Variants in COMMD1 observed in about 807,000 individuals in gnomAD.
COMMD1 encodes copper metabolism domain containing 1, also known as COMM domain-containing protein 1.
Under a neutral mutation model 17.2 loss-of-function variants are expected in COMMD1, and 10 were observed. The ratio of observed to expected loss-of-function variants is 0.58; its 90% CI spans 0.36 to 0.99. COMMD1 has a LOEUF of 0.99. Ranked by LOEUF, COMMD1 falls within the 50% of genes least tolerant of loss-of-function variation. COMMD1 has a pLI of 0.01. For synonymous variants in COMMD1, 97 were observed against 91.6 expected (o/e 1.06, Z -0.34); for missense variants, 270 against 231.8 (o/e 1.17, Z -1.07).
intron 1 of COMMD1, among the ~76,000 whole-genome samples, chr2:61,964,250 T>C (rs1220940403): frequency 6.6e-6 from 1 of 152,186 alleles, no homozygotes; most frequent in Non-Finnish European, 1.5e-5. Context: ...AGACAGGGTC[T>C]TGCTCTGTTG....
At chr2:62,003,605 T>TACACAG (rs1669026907) in intron 2 of COMMD1, among the ~76,000 whole-genome samples, 1 of 146,164 alleles carries the variant, frequency 6.8e-6, no homozygotes, top group Non-Finnish European at 1.5e-5. Context: ...CAGATATTTT[T>TACACAG]ACACACACAC....
intron 2 of COMMD1, among the ~76,000 whole-genome samples, chr2:62,010,939 GCTTT>G (rs1454712096): frequency 2.0e-5 from 3 of 152,138 alleles, no homozygotes; most frequent in African/African-American, 7.2e-5. Context: ...CACTCCAGTG[GCTTT>G]CTGTGTCAGT....
At chr2:61,984,674 T>A (rs1558548582) in intron 1 of COMMD1, among the ~76,000 whole-genome samples, 1 of 152,208 alleles carries the variant, frequency 6.6e-6, no homozygotes, top group Non-Finnish European at 1.5e-5. Context: ...TTAGGTCCAT[T>A]TGGTCTATAG....
chr2:61,902,158 A>G (rs1558515261), upstream of COMMD1, among the ~76,000 whole-genome samples: 1 of 151,754 alleles, frequency 6.6e-6, no homozygotes, highest in Non-Finnish European at 1.5e-5. Context: ...ACATGGAGAA[A>G]ATATTTGCAT....
intron 1 of COMMD1, among the ~76,000 whole-genome samples, chr2:61,987,404 C>G (rs79259784): frequency 0.012 from 1,848 of 152,240 alleles, 42 homozygotes; most frequent in African/African-American, 0.043. Flanking sequence ...AAAGGGCACC[C>G]CAAGTCCAAC....
rs368113904 is a variant in COMMD1 at position 61,953,755 on chromosome 2, A to G, written c.181-46946A>G. Among the ~76,000 whole-genome samples, 14 of 152,328 alleles carry G rather than the reference A, an allele frequency of 9.2e-5. No individual in the cohort carries two copies. In the East Asian group the frequency reaches 2.5e-3, roughly 27 times the overall value. On this transcript the variant is annotated intron_variant, in intron 1 of 2. Coordinates refer to ENST00000311832, the MANE Select transcript of COMMD1 (RefSeq NM_152516.4). Reference sequence around the variant, plus strand: ...GGAGGTAGGAAAATACCACATATACATACTCTCTATACATACAAACCATTC... The same window carrying G: ...GGAGGTAGGAAAATACCACATATACGTACTCTCTATACATACAAACCATTC...
chr2:62,116,080 C>T (rs1573204013), intron 2 of COMMD1, among the ~76,000 whole-genome samples: 2 of 152,008 alleles, frequency 1.3e-5, no homozygotes, highest in African/African-American at 4.8e-5. Context: ...CTCCTGGGCT[C>T]AAGCAGTCCA....
chr2:62,089,503 C>T (rs1435867918), intron 2 of COMMD1, among the ~76,000 whole-genome samples: 12 of 151,956 alleles, frequency 7.9e-5, no homozygotes, highest in African/African-American at 2.4e-4. Context: ...AGGCTGGTCT[C>T]GAACTTCTGA....
intron 1 of COMMD1, among the ~76,000 whole-genome samples, chr2:61,930,944 T>C (rs1038984174): frequency 6.6e-6 from 1 of 152,134 alleles, no homozygotes; most frequent in African/African-American, 2.4e-5. Context: ...TAGCCAATTA[T>C]ATATGCTCGA....
At chr2:62,085,771 A>T (rs1398241793) in intron 2 of COMMD1, among the ~76,000 whole-genome samples, 1 of 151,170 alleles carries the variant, frequency 6.6e-6, no homozygotes, top group Non-Finnish European at 1.5e-5. Flanking sequence ...CGAGGTCAGG[A>T]GATCGAGACC....
intron 1 of COMMD1, among the ~76,000 whole-genome samples, chr2:61,900,375 G>A (rs967292147): frequency 6.6e-6 from 1 of 152,244 alleles, no homozygotes; most frequent in Non-Finnish European, 1.5e-5. Flanking sequence ...CTTGGAGTCA[G>A]AAGAAAGAAA....
chr2:62,127,624 G>T (rs1659524279), intron 2 of COMMD1, among the ~76,000 whole-genome samples: 1 of 152,178 alleles, frequency 6.6e-6, no homozygotes, highest in Non-Finnish European at 1.5e-5. Context: ...AAGCAATGGG[G>T]AAAGGATTCC....
intron 2 of COMMD1, among the ~76,000 whole-genome samples, chr2:62,041,574 G>A (rs1196942917): frequency 6.6e-6 from 1 of 151,992 alleles, no homozygotes; most frequent in Non-Finnish European, 1.5e-5. Context: ...TGTTTTGTGT[G>A]GAGATGAGGT....
At chr2:62,072,813 G>C (rs1254825865) in intron 2 of COMMD1, among the ~76,000 whole-genome samples, 1 of 152,196 alleles carries the variant, frequency 6.6e-6, no homozygotes, top group Non-Finnish European at 1.5e-5. Context: ...CCTTGTACGG[G>C]GCTCATGCCT....
intron 2 of COMMD1, among the ~76,000 whole-genome samples, chr2:62,107,279 G>A (rs537587940): frequency 1.3e-5 from 2 of 152,308 alleles, no homozygotes; most frequent in African/African-American, 4.8e-5. Context: ...TGCAGGTAAT[G>A]GTGAGGGTCA....
At chr2:61,937,533 A>G (rs954661147) in intron 1 of COMMD1, among the ~76,000 whole-genome samples, 1 of 152,230 alleles carries the variant, frequency 6.6e-6, no homozygotes, top group Non-Finnish European at 1.5e-5. Flanking sequence ...GCCAGATAGG[A>G]ATAGACATGG....
intron 2 of COMMD1, among the ~76,000 whole-genome samples, chr2:62,036,998 T>C (rs1450009936): frequency 1.3e-5 from 2 of 152,210 alleles, no homozygotes; most frequent in African/African-American, 4.8e-5. Context: ...TTCAAGTATA[T>C]TTACTTATGC....
At chr2:62,049,323 A>G (rs1450017731) in intron 2 of COMMD1, among the ~76,000 whole-genome samples, 1 of 152,216 alleles carries the variant, frequency 6.6e-6, no homozygotes, top group Non-Finnish European at 1.5e-5. Flanking sequence ...GAAAATCCCA[A>G]ATAAGATTAT....
At chr2:61,954,208 C>CA (rs551419717) in intron 1 of COMMD1, among the ~76,000 whole-genome samples, 8 of 150,920 alleles carry the variant, frequency 5.3e-5, no homozygotes, top group Admixed American at 3.3e-4. Context: ...GACTCTGTCT[C>CA]AAAAAAAAGA....
Sources: gnomAD v4.1 joint callset for allele counts (sites outside exome capture counted in the v4.1 genomes callset) on GRCh38, gnomAD v4.1.1 for gene constraint, MANE v1.5 for transcripts, NCBI Gene and HGNC (gene_info 2026-07-23, HGNC 2026-07-21) for gene names.